The following ATRNL1 variants were observed in gnomAD, a reference collection of about 807,000 sequenced individuals.
The protein encoded by ATRNL1 is attractin like 1, also known as attractin-like protein 1.
In ATRNL1, 95 loss-of-function variants were observed where a neutral mutation model predicts 182.7. The observed-to-expected ratio is 0.52, with a 90% confidence interval of 0.44 to 0.62. The LOEUF is 0.62. Ranked by LOEUF, ATRNL1 falls within the 20% of genes least tolerant of loss-of-function variation. The pLI, the probability that ATRNL1 is intolerant of heterozygous loss-of-function variation, is 0.00. For synonymous variants in ATRNL1, 576 were observed against 568.3 expected, an observed-to-expected ratio of 1.01 and a Z score of -0.19; for missense variants, 1,471 against 1,679.5, an observed-to-expected ratio of 0.88 and a Z score of 2.17.
At chr10:115,864,910 A>AGG (rs1951401544) in intron 28 of ATRNL1, among the ~76,000 whole-genome samples, 1 of 151,378 alleles carries the variant, frequency 6.6e-6, no homozygotes, top group Admixed American at 6.6e-5. Context: ...TGAACCCAGG[A>AGG]GGCGGAGCTT....
intron 26 of ATRNL1, among the ~76,000 whole-genome samples, chr10:115,592,423 A>C (rs1194611470): frequency 1.3e-5 from 2 of 152,176 alleles, no homozygotes; most frequent in South Asian, 4.1e-4. Flanking sequence ...AGCTTTTACT[A>C]TAGTCACAAA....
intron 23 of ATRNL1, 150 bp downstream of exon 23, chr10:115,467,402 A>G: frequency 2.0e-6 from 1 of 487,924 alleles, no homozygotes; most frequent in Non-Finnish European, 3.6e-6. Context: ...AATAAGTAGA[A>G]AAATGAATAG....
intron 18 of ATRNL1, among the ~76,000 whole-genome samples, chr10:115,329,690 T>C (rs1855108407): frequency 6.8e-6 from 1 of 147,088 alleles, no homozygotes; most frequent in Admixed American, 6.7e-5. Flanking sequence ...CTAATAGAAG[T>C]ATAGTTAATC....
chr10:115,277,092 T>C (rs1432115669), intron 13 of ATRNL1, among the ~76,000 whole-genome samples: 1 of 151,988 alleles, frequency 6.6e-6, no homozygotes, highest in Non-Finnish European at 1.5e-5. Context: ...ATCAAATGTT[T>C]AGAACTATAC....
intron 27 of ATRNL1, among the ~76,000 whole-genome samples, chr10:115,803,273 C>T (rs1258374796): frequency 6.6e-6 from 1 of 151,912 alleles, no homozygotes; most frequent in South Asian, 2.1e-4. Flanking sequence ...TTCAAATCCT[C>T]ATTCAATAAA....
intron 19 of ATRNL1, among the ~76,000 whole-genome samples, chr10:115,377,049 T>C (rs1418465428): frequency 6.6e-6 from 1 of 152,180 alleles, no homozygotes; most frequent in Non-Finnish European, 1.5e-5. Flanking sequence ...CTCTTGGATT[T>C]CTATTTTGTT....
chr10:115,219,089 G>GGT (rs577819248), intron 9 of ATRNL1, among the ~76,000 whole-genome samples: 2 of 151,996 alleles, frequency 1.3e-5, no homozygotes, highest in Non-Finnish European at 2.9e-5. Flanking sequence ...ACAAAAATTA[G>GGT]CTGGGCATGG....
At chr10:115,614,801 A>G (rs1026021344) in intron 26 of ATRNL1, among the ~76,000 whole-genome samples, 1 of 152,008 alleles carries the variant, frequency 6.6e-6, no homozygotes, top group Admixed American at 6.6e-5. Context: ...TTGTTCTTCG[A>G]CTTAAAATAT....
chr10:115,215,264 G>C (rs1554895903), intron 8 of ATRNL1, among the ~76,000 whole-genome samples: 2 of 152,132 alleles, frequency 1.3e-5, no homozygotes, highest in African/African-American at 2.4e-5. Context: ...TAAAGGACCA[G>C]CACAGTACTA....
chr10:115,514,281 G>A (rs1850530099), intron 24 of ATRNL1, among the ~76,000 whole-genome samples: 1 of 151,544 alleles, frequency 6.6e-6, no homozygotes. Context: ...AAAACAAGCT[G>A]GAATCAAAAT....
At chr10:115,593,081 C>T (rs750329431) in intron 26 of ATRNL1, among the ~76,000 whole-genome samples, 8 of 152,118 alleles carry the variant, frequency 5.3e-5, no homozygotes, top group Non-Finnish European at 1.0e-4. Flanking sequence ...ATGCATCTAG[C>T]AAGGGCTTTA....
At chr10:115,642,265 C>CATATGAATTTA (rs2133859543) in intron 26 of ATRNL1, among the ~76,000 whole-genome samples, 1 of 152,116 alleles carries the variant, frequency 6.6e-6, no homozygotes, top group South Asian at 2.1e-4. Context: ...ACATAGGAAA[C>CATATGAATTTA]ACTTACATAT....
intron 26 of ATRNL1, 95 bp from the exon 27 acceptor site, chr10:115,727,153 T>C: frequency 1.2e-6 from 1 of 824,878 alleles, no homozygotes; most frequent in Non-Finnish European, 2.0e-6. Flanking sequence ...TTCCTAACTT[T>C]TCAATGCCAT....
intron 9 of ATRNL1, among the ~76,000 whole-genome samples, chr10:115,219,932 A>G (rs1420089563): frequency 6.6e-6 from 1 of 152,034 alleles, no homozygotes; most frequent in East Asian, 1.9e-4. Flanking sequence ...AGAGAGAGAA[A>G]TGTGCACATA....
intron 21 of ATRNL1, among the ~76,000 whole-genome samples, chr10:115,446,946 T>C (rs1293141831): frequency 6.6e-6 from 1 of 151,956 alleles, no homozygotes; most frequent in Non-Finnish European, 1.5e-5. Context: ...CAGATACATA[T>C]ATCATTTAAA....
intron 26 of ATRNL1, among the ~76,000 whole-genome samples, chr10:115,587,603 T>C (rs2133906481): frequency 8.8e-6 from 1 of 113,122 alleles, no homozygotes; most frequent in Non-Finnish European, 2.0e-5. Context: ...AGGCAATGCC[T>C]CGCCCGCTTC....
chr10:115,907,432 G>A (rs782652427), intron 28 of ATRNL1, among the ~76,000 whole-genome samples: 1 of 152,146 alleles, frequency 6.6e-6, no homozygotes, highest in Non-Finnish European at 1.5e-5. Context: ...CAAGCACTAT[G>A]AGCAAAAGGC....
At chr10:115,474,881 T>A (rs1848464250) in intron 24 of ATRNL1, among the ~76,000 whole-genome samples, 1 of 151,364 alleles carries the variant, frequency 6.6e-6, no homozygotes, top group Admixed American at 6.6e-5. Flanking sequence ...GGCATTGACA[T>A]CACCCAGGAG....
chr10:115,351,948 G>C (rs920769637), intron 19 of ATRNL1, among the ~76,000 whole-genome samples: 1 of 151,878 alleles, frequency 6.6e-6, no homozygotes, highest in African/African-American at 2.4e-5. Flanking sequence ...TCTGATATTG[G>C]GCTTTTCTTT....
Sources: allele counts gnomAD v4.1 joint callset (sites outside exome capture counted in the v4.1 genomes callset), GRCh38; gene constraint gnomAD v4.1.1; transcripts MANE v1.5; gene names NCBI Gene and HGNC (gene_info 2026-07-23, HGNC 2026-07-21).